Variants in CMSS1 observed in about 807,000 individuals in gnomAD.
CMSS1 encodes protein CMSS1.
Under a neutral mutation model 43.5 loss-of-function variants are expected in CMSS1, and 33 were observed. That is an observed-to-expected ratio of 0.76 (90% CI 0.57 to 1.01). The LOEUF (loss-of-function observed/expected upper bound fraction) is 1.01, where lower values mean the gene tolerates loss of function less well. Ranked by LOEUF, CMSS1 falls within the 50% of genes least tolerant of loss-of-function variation. The probability of loss-of-function intolerance (pLI) is 0.00; values close to 1 mark genes in which losing one functional copy is unlikely to be tolerated. For synonymous variants in CMSS1, 115 were observed against 117.2 expected, an observed-to-expected ratio of 0.98 and a Z score of 0.12; for missense variants, 313 against 326.4, an observed-to-expected ratio of 0.96 and a Z score of 0.32.
chr3:100,172,076 T>G (rs950167584), intron 7 of CMSS1, 177 bp downstream of exon 7: 6 of 638,746 alleles, frequency 9.4e-6, no homozygotes, highest in Non-Finnish European at 1.4e-5. Context: ...CTCCCCAGTA[T>G]GGCAGTCGCT....
At chr3:99,909,762 C>T (rs550347125) in intron 1 of CMSS1, among the ~76,000 whole-genome samples, 2 of 152,148 alleles carry the variant, frequency 1.3e-5, no homozygotes, top group East Asian at 3.9e-4. Flanking sequence ...TTTAGATAAC[C>T]TCAGTGTATA....
intron 1 of CMSS1, among the ~76,000 whole-genome samples, chr3:99,973,897 A>G (rs769429951): frequency 2.0e-5 from 3 of 152,212 alleles, no homozygotes; most frequent in Non-Finnish European, 2.9e-5. Context: ...TAGACAATAT[A>G]TAATTGATAA....
intron 1 of CMSS1, among the ~76,000 whole-genome samples, chr3:100,091,058 G>T (rs1007087536): frequency 6.6e-6 from 1 of 152,098 alleles, no homozygotes; most frequent in African/African-American, 2.4e-5. Context: ...GGCCGAGGTG[G>T]GCGGATCACG....
At chr3:100,041,956 C>T (rs1370549103) in intron 1 of CMSS1, among the ~76,000 whole-genome samples, 1 of 152,162 alleles carries the variant, frequency 6.6e-6, no homozygotes, top group Non-Finnish European at 1.5e-5. Context: ...ACAGTGAGAA[C>T]AGGGACCATT....
chr3:100,049,574 T>C (rs1452299793), intron 1 of CMSS1, among the ~76,000 whole-genome samples: 1 of 152,180 alleles, frequency 6.6e-6, no homozygotes, highest in African/African-American at 2.4e-5. Context: ...AAGCCAGAGA[T>C]AATAGTGAGA....
At chr3:99,998,075 G>C (rs1709734037) in intron 1 of CMSS1, among the ~76,000 whole-genome samples, 1 of 152,212 alleles carries the variant, frequency 6.6e-6, no homozygotes, top group Non-Finnish European at 1.5e-5. Context: ...AGTTTAACTT[G>C]TGAGTTAAAA....
chr3:99,831,789 A>G (rs190262666), intron 1 of CMSS1, among the ~76,000 whole-genome samples: 90 of 152,318 alleles, frequency 5.9e-4, no homozygotes, highest in Admixed American at 1.9e-3. Flanking sequence ...CCAGCAATTC[A>G]CATTTTTAAT....
intron 6 of CMSS1, 143 bp downstream of exon 6, chr3:100,167,983 G>A: frequency 3.7e-6 from 2 of 537,394 alleles, no homozygotes; most frequent in Non-Finnish European, 6.6e-6. Context: ...CAGTGGGGGA[G>A]ACAGATAATA....
At chr3:100,021,168 CAT>C (rs1426496720) in intron 1 of CMSS1, among the ~76,000 whole-genome samples, 1 of 152,212 alleles carries the variant, frequency 6.6e-6, no homozygotes, top group East Asian at 1.9e-4. Context: ...ACTGCTCTCA[CAT>C]AGAACACACT....
chr3:100,014,358 A>C (rs1457829804), intron 1 of CMSS1, among the ~76,000 whole-genome samples: 1 of 152,158 alleles, frequency 6.6e-6, no homozygotes, highest in Non-Finnish European at 1.5e-5. Flanking sequence ...CTATATACCC[A>C]AAAATGGGAT....
intron 1 of CMSS1, among the ~76,000 whole-genome samples, chr3:99,865,528 G>C (rs1250920241): frequency 6.6e-6 from 1 of 152,106 alleles, no homozygotes; most frequent in Non-Finnish European, 1.5e-5. Context: ...TATTCTCTTA[G>C]TCATTATAAT....
At chr3:100,091,438 A>T (rs1338420305) in intron 1 of CMSS1, among the ~76,000 whole-genome samples, 2 of 152,182 alleles carry the variant, frequency 1.3e-5, no homozygotes, top group Non-Finnish European at 2.9e-5. Flanking sequence ...TTTGTAAGGG[A>T]AGAAGAAGTG....
rs35626116 is a variant in CMSS1 at position 99,898,764 on chromosome 3, T to TA, written c.64+80742dup. 9.6e-3 allele frequency: 1,192 copies of TA among 123,630 alleles called. 21 individuals are homozygous for TA. Among genetic ancestry groups the TA allele is most frequent in the African/African-American group, 0.03 (948 of 32,076 alleles). 7.7% of individuals were successfully genotyped at this position (123,630 alleles called of 1,614,324 possible). ...CTCGGCAGCAGAGCTAGACTCCATC[T>TA]AAAAAAAAAAAAAAAAAAAAAGTGC... On this transcript the variant is annotated intron_variant, in intron 1 of 9. Transcript: ENST00000421999.
At chr3:99,832,109 C>T (rs1004511852) in intron 1 of CMSS1, among the ~76,000 whole-genome samples, 2 of 152,164 alleles carry the variant, frequency 1.3e-5, no homozygotes, top group Admixed American at 6.5e-5. Context: ...CTTGTTTCTA[C>T]ACCATTGATG....
chr3:99,874,807 A>G (rs892531741), intron 1 of CMSS1, among the ~76,000 whole-genome samples: 2 of 152,228 alleles, frequency 1.3e-5, no homozygotes, highest in Admixed American at 6.5e-5. Context: ...TCTGACAATT[A>G]AATATAAAAA....
intron 1 of CMSS1, among the ~76,000 whole-genome samples, chr3:100,068,040 T>C (rs1385029741): frequency 6.6e-6 from 1 of 152,174 alleles, no homozygotes; most frequent in Non-Finnish European, 1.5e-5. Flanking sequence ...CAAGCCAACC[T>C]GGATCCACCA....
intron 1 of CMSS1, among the ~76,000 whole-genome samples, chr3:99,968,685 A>G (rs1708726544): frequency 6.6e-6 from 1 of 152,232 alleles, no homozygotes; most frequent in Admixed American, 6.5e-5. Context: ...CAAGGAACCC[A>G]TGAGGGAGAC....
intron 1 of CMSS1, chr3:99,924,503 A>G: frequency 7.7e-7 from 1 of 1,305,904 alleles, no homozygotes; most frequent in Admixed American, 2.2e-5. Context: ...TTAATTCGGC[A>G]GTGGGTTTTT....
At chr3:99,834,589 T>G (rs1045670016) in intron 1 of CMSS1, among the ~76,000 whole-genome samples, 2 of 152,242 alleles carry the variant, frequency 1.3e-5, no homozygotes, top group Admixed American at 1.3e-4. Flanking sequence ...TAAATACTTG[T>G]CTTCCTCATT....
Sources: allele counts gnomAD v4.1 joint callset (sites outside exome capture counted in the v4.1 genomes callset), GRCh38; gene constraint gnomAD v4.1.1; transcripts MANE v1.5; gene names NCBI Gene and HGNC (gene_info 2026-07-23, HGNC 2026-07-21).